The following NUP153 variants were observed in gnomAD, a reference collection of about 807,000 sequenced individuals.
The protein encoded by NUP153 is nucleoporin 153, also known as nuclear pore complex protein Nup153.
A neutral mutation model predicts 134.6 loss-of-function variants in NUP153; 27 were observed. The observed-to-expected ratio is 0.20, with a 90% CI of 0.15 to 0.28. The LOEUF (loss-of-function observed/expected upper bound fraction) is 0.28. NUP153 is among the 10% of genes least tolerant of loss of function. The pLI is 1.00. For synonymous variants in NUP153, 640 were observed against 623.5 expected, an observed-to-expected ratio of 1.03 and a Z score of -0.40; for missense variants, 1,821 against 1,731.3, an observed-to-expected ratio of 1.05 and a Z score of -0.92.
At chr6:17,693,197 C>T (rs1303696289) in intron 1 of NUP153, among the ~76,000 whole-genome samples, 1 of 148,422 alleles carries the variant, frequency 6.7e-6, no homozygotes, top group African/African-American at 2.6e-5. Context: ...CACACACACA[C>T]ACACACACAC....
intron 2 of NUP153, among the ~76,000 whole-genome samples, chr6:17,686,201 T>C (rs574932498): frequency 9.9e-5 from 15 of 152,060 alleles, no homozygotes; most frequent in Admixed American, 2.6e-4. Flanking sequence ...TAAACAGCCT[T>C]AGGTAAGTCC....
rs1379102874 is a variant in NUP153, at chr6:17,706,335, G to A, written c.53C>T (p.Thr18Met). The change falls in exon 1 of 22, where the codon ACG (threonine) becomes ATG (methionine). Residue 18 changes from threonine to methionine, a missense_variant. By Grantham distance (81) the Thr-to-Met change is moderately conservative. Transcript: ENST00000262077. The surrounding 1 kb of genome is among the most constrained non-coding windows in gnomAD (Gnocchi z 5.9). ...VGGGGGGKIR[T>M]RRCHQGPIKP... ...AATTGGCCCCTGGTGGCAACGCCGCGTCCGGATCTTGCCGCCACCGCCCCC... is the reference window on the plus strand; with the variant it reads ...AATTGGCCCCTGGTGGCAACGCCGCATCCGGATCTTGCCGCCACCGCCCCC... 1.2e-6 allele frequency: 2 copies of A among 1,613,510 alleles called. No homozygotes were observed. The highest frequency in any genetic ancestry group is 2.2e-5 in the East Asian group (1 of 44,834).
Position 17,625,969 on chromosome 6 carries a change from C to T in NUP153, c.3740G>A (p.Ser1247Asn). ...AGAAAATAGCAAAGACTGAGAGGTGCTGGATTCAGCAGTGTTACCAAAGGC... is the reference window on the plus strand; with the variant it reads ...AGAAAATAGCAAAGACTGAGAGGTGTTGGATTCAGCAGTGTTACCAAAGGC... Reference protein sequence around the residue: ...SSAFGNTAESSTSQSLLFSQD... With the variant: ...SSAFGNTAESNTSQSLLFSQD... The change falls in exon 19 of 22, where the codon AGC (serine) becomes AAC (asparagine). Residue 1247 changes from serine (S) to asparagine (N), a missense_variant. Coordinates refer to ENST00000262077, the MANE Select transcript of NUP153 (RefSeq NM_005124.4). The surrounding 1 kb of genome is among the most constrained non-coding windows in gnomAD (Gnocchi z 4.7). 3 of 1,614,132 alleles carry T rather than the reference C, an allele frequency of 1.9e-6. No homozygotes were observed. Among genetic ancestry groups the T allele is most frequent in the Middle Eastern group, 1.6e-4 (1 of 6,062 alleles).
At chr6:17,664,589 G>C (rs1293039628) in intron 9 of NUP153, among the ~76,000 whole-genome samples, 1 of 152,114 alleles carries the variant, frequency 6.6e-6, no homozygotes, top group Non-Finnish European at 1.5e-5. Flanking sequence ...AAAGTACTTA[G>C]GAGATGCATA....
rs16879902 is a variant in NUP153 at position 17,688,462 on chromosome 6, C to G, written c.268G>C (p.Asp90His). ...ENKEDHLVYADEESSNITDGR... is the reference protein window; with the variant it reads ...ENKEDHLVYAHEESSNITDGR... Reference sequence around the variant, plus strand: ...TCAGTAATATTAGAGCTCTCCTCATCGGCATATACCAGATGGTCCTCTTTA... The same window carrying G: ...TCAGTAATATTAGAGCTCTCCTCATGGGCATATACCAGATGGTCCTCTTTA... Residue 90 changes from aspartate (D) to histidine (H), a missense_variant, in exon 2 of 22, where the codon GAT becomes CAT. Transcript: ENST00000262077. 28 of 1,614,082 alleles carry G rather than the reference C, an allele frequency of 1.7e-5. 1 individual carries two copies. In the Admixed American group the frequency reaches 3.5e-4, roughly 20 times the overall value.
intron 1 of NUP153, among the ~76,000 whole-genome samples, chr6:17,702,368 G>T (rs868856376): frequency 1.3e-5 from 2 of 152,140 alleles, no homozygotes; most frequent in Non-Finnish European, 2.9e-5. Flanking sequence ...TTAGCCGGAC[G>T]TGGTGGCAAG....
chr6:17,622,076 T>G (rs770840964), intron 20 of NUP153, among the ~76,000 whole-genome samples: 1 of 152,344 alleles, frequency 6.6e-6, no homozygotes, highest in Admixed American at 6.5e-5. Flanking sequence ...TGACCTTCAC[T>G]AGACTTTGTA....
intron 13 of NUP153, among the ~76,000 whole-genome samples, chr6:17,646,671 A>G (rs1289161859): frequency 1.3e-5 from 2 of 152,008 alleles, no homozygotes; most frequent in South Asian, 2.1e-4. Context: ...TTTTCTTTCA[A>G]AACAGTATAT....
In NUP153 at chr6:17,675,122, A is replaced by G; in HGVS notation, c.724-89T>C. The stretch of plus-strand genomic sequence containing the variant: ...GTTAAGATCATGCTGCTACACACTC[A>G]AGCCTGGGCAACAGCAAAAGACTCT... On this transcript the variant is annotated intron_variant, in intron 4 of 21. Coordinates refer to ENST00000262077, the MANE Select transcript of NUP153 (RefSeq NM_005124.4). This position sits in a 1 kb window ranked among gnomAD's most constrained non-coding sequence, Gnocchi z 4.4. The G allele has an allele frequency of 6.5e-7, 1 of 1,548,888 alleles. No homozygotes were observed. The highest frequency in any genetic ancestry group is 1.2e-5 in the South Asian group (1 of 83,124).
At chr6:17,616,472 C>T in intron 21 of NUP153, 55 bp downstream of exon 21, 3 of 1,459,930 alleles carry the variant, frequency 2.1e-6, no homozygotes, top group African/African-American at 2.8e-5. Context: ...AAAACATATA[C>T]ATGCACATAC....
intron 11 of NUP153, among the ~76,000 whole-genome samples, chr6:17,657,041 C>T (rs971746396): frequency 1.3e-5 from 2 of 152,118 alleles, no homozygotes; most frequent in Non-Finnish European, 2.9e-5. Flanking sequence ...CTGTTAGCCA[C>T]TGATTTCTTT....
At chr6:17,686,793 G>GAAA (rs1768960229) in intron 2 of NUP153, among the ~76,000 whole-genome samples, 1 of 151,274 alleles carries the variant, frequency 6.6e-6, no homozygotes, top group Admixed American at 6.6e-5. Context: ...TGAGTTGGGG[G>GAAA]TAGGAAGGTA....
In NUP153 at chr6:17,616,586, G is replaced by A. The variant is rs142342732; in HGVS notation, c.4284C>T (p.Ala1428=). 331 of 1,614,008 alleles carry A rather than the reference G, an allele frequency of 2.1e-4. 1 individual carries two copies. The highest frequency in any genetic ancestry group is 5.5e-5 in the Non-Finnish European group (65 of 1,180,018). ...GAAAGCCCCCCGAGCCTGAAGGCTG[G>A]GCTGAGGCTGCAGGTGTGCTAGAAT... ...GANSSTPAAS[A]QPSGSGGFPF... The change falls in exon 21 of 22, where the codon GCC becomes GCT. Residue 1428 remains alanine, a synonymous_variant. Transcript: ENST00000262077.
chr6:17,681,672 T>C (rs914309938), intron 2 of NUP153, among the ~76,000 whole-genome samples: 6 of 152,192 alleles, frequency 3.9e-5, no homozygotes, highest in African/African-American at 9.7e-5. Flanking sequence ...CATTTACACA[T>C]AATAAATATT....
intron 2 of NUP153, among the ~76,000 whole-genome samples, chr6:17,676,410 AC>A (rs1420280929): frequency 7.2e-6 from 1 of 139,152 alleles, no homozygotes; most frequent in Non-Finnish European, 1.5e-5. Context: ...CTGCACGAGT[AC>A]CAAATGTTTT....
chr6:17,619,423 T>C (rs1407973173), intron 20 of NUP153: 1 of 152,020 alleles, frequency 6.6e-6, no homozygotes, highest in Non-Finnish European at 1.5e-5. Context: ...CTAAAAGGAA[T>C]CTCCAAAAGA....
intron 1 of NUP153, among the ~76,000 whole-genome samples, chr6:17,698,431 A>T (rs1769807190): frequency 6.6e-6 from 1 of 152,054 alleles, no homozygotes. Flanking sequence ...GTCTCTACCG[A>T]AAAAATACAA....
At chr6:17,664,568 T>C (rs934921080) in intron 9 of NUP153, among the ~76,000 whole-genome samples, 5 of 152,108 alleles carry the variant, frequency 3.3e-5, no homozygotes, top group African/African-American at 1.2e-4. Flanking sequence ...TTAGATGGGA[T>C]AATATAGGAC....
At position 17,623,425 on chromosome 6, in the gene NUP153, T is replaced by C. The variant is rs553715313; in HGVS notation, c.4174+1136A>G. 7.8e-4 allele frequency among the ~76,000 whole-genome samples: 113 copies of C among 144,342 alleles called. 1 individual carries two copies. Among genetic ancestry groups the C allele is most frequent in the African/African-American group, 2.8e-3 (109 of 38,546 alleles). 94.7% of individuals were successfully genotyped at this position (144,342 alleles called of 152,430 possible). The stretch of plus-strand genomic sequence containing the variant: ...TGAGAAATCAAATAGAACCCACATA[T>C]AAGAACTCATACAATGGTGGTAGGA... On this transcript the variant is annotated intron_variant, in intron 20 of 21. Coordinates refer to ENST00000262077, the MANE Select transcript of NUP153 (RefSeq NM_005124.4).
Sources: gnomAD v4.1 joint callset for allele counts (sites outside exome capture counted in the v4.1 genomes callset) on GRCh38, gnomAD v4.1.1 for gene constraint, Gnocchi (gnomAD v3.1) non-coding constraint, MANE v1.5 for transcripts, NCBI Gene and HGNC (gene_info 2026-07-23, HGNC 2026-07-21) for gene names.